NAV2: variants seen among roughly 807,000 people sequenced by gnomAD.
NAV2 encodes neuron navigator 2, also known as helicase, APC down-regulated 1.
NAV2 carries 54 observed loss-of-function variants against 223.2 expected under a neutral mutation model. The observed-to-expected ratio is 0.24, with a 90% CI of 0.19 to 0.30. The LOEUF (loss-of-function observed/expected upper bound fraction) is 0.30, where lower values mean the gene tolerates loss of function less well. NAV2 is among the 10% of genes least tolerant of loss of function. The pLI is 1.00. For synonymous variants in NAV2, 1,279 were observed against 1,239.3 expected (o/e 1.03, Z -0.67); for missense variants, 2,806 against 3,147.5 (o/e 0.89, Z 2.60).
In NAV2 at chr11:19,631,053, G is replaced by T. The variant is rs376991365; in HGVS notation, c.76-201431G>T. 4.7e-5 allele frequency among the ~76,000 whole-genome samples: 7 copies of T among 149,678 alleles called. 1 individual carries two copies. In the South Asian group the frequency reaches 8.5e-4, roughly 18 times the overall value. ...TTTTACTATATTTATTACAAAAATG[G>T]CCTGAATTGCCCCTTTCATTTTATC... is the stretch of plus-strand genomic sequence containing the variant. On this transcript the variant is annotated intron_variant, in intron 1 of 37. Coordinates refer to the NAV2 transcript ENST00000360655.
intron 1 of NAV2, among the ~76,000 whole-genome samples, chr11:19,364,262 C>T (rs1392341724): frequency 6.6e-6 from 1 of 152,188 alleles, no homozygotes; most frequent in East Asian, 1.9e-4. Flanking sequence ...CCAAGGGTTT[C>T]AGAAGCTGTG....
At chr11:19,731,017 A>C (rs956381709) in intron 1 of NAV2, among the ~76,000 whole-genome samples, 3 of 152,178 alleles carry the variant, frequency 2.0e-5, no homozygotes, top group African/African-American at 7.2e-5. Context: ...TAAACCAAAA[A>C]ATTATTTGCT....
intron 1 of NAV2, among the ~76,000 whole-genome samples, chr11:19,426,418 C>T (rs1850829740): frequency 6.6e-6 from 1 of 152,128 alleles, no homozygotes; most frequent in Admixed American, 6.6e-5. Flanking sequence ...TGAAGGACTC[C>T]ATGAAGAAAT....
chr11:19,931,157 C>T (rs555634105), intron 6 of NAV2, among the ~76,000 whole-genome samples: 72 of 152,272 alleles, frequency 4.7e-4, no homozygotes, highest in Non-Finnish European at 8.5e-4. Context: ...CACTGAGCCT[C>T]CTGACACCAA....
chr11:19,464,280 G>T (rs1334025961), intron 1 of NAV2, among the ~76,000 whole-genome samples: 1 of 152,168 alleles, frequency 6.6e-6, no homozygotes, highest in East Asian at 1.9e-4. Flanking sequence ...TGTTGCTATT[G>T]TGAGGGGCTG....
intron 1 of NAV2, among the ~76,000 whole-genome samples, chr11:19,521,140 G>A (rs1036780233): frequency 6.6e-6 from 1 of 152,188 alleles, no homozygotes; most frequent in Non-Finnish European, 1.5e-5. Flanking sequence ...GCTGAACCCT[G>A]CGTCTCCCCA....
chr11:19,705,740 G>A (rs1383743888), intron 1 of NAV2, among the ~76,000 whole-genome samples: 1 of 152,022 alleles, frequency 6.6e-6, no homozygotes, highest in Non-Finnish European at 1.5e-5. Context: ...CCAAGTATTT[G>A]GTAGCATAGC....
At chr11:19,503,892 C>T (rs534627953) in intron 1 of NAV2, 11 of 152,066 alleles carry the variant, frequency 7.2e-5, no homozygotes, top group Admixed American at 1.3e-4. Flanking sequence ...GCTACAGAAG[C>T]GGGGAAAATA....
intron 4 of NAV2, among the ~76,000 whole-genome samples, chr11:19,869,480 T>C (rs1290664046): frequency 6.6e-6 from 1 of 152,212 alleles, no homozygotes; most frequent in South Asian, 2.1e-4. Context: ...TATTTTTACA[T>C]TGTGATTAGT....
intron 6 of NAV2, among the ~76,000 whole-genome samples, chr11:19,918,345 T>C (rs978618560): frequency 1.3e-5 from 2 of 152,242 alleles, no homozygotes; most frequent in Admixed American, 1.3e-4. Context: ...GTCAGTTTGA[T>C]ATTATCTGAA....
intron 1 of NAV2, among the ~76,000 whole-genome samples, chr11:19,352,099 AC>A (rs1853361677): frequency 6.6e-6 from 1 of 152,146 alleles, no homozygotes; most frequent in African/African-American, 2.4e-5. Flanking sequence ...TCCATTCCTA[AC>A]AAAAAATTCA....
chr11:19,827,657 T>C (rs2059708476), intron 1 of NAV2, among the ~76,000 whole-genome samples: 1 of 152,222 alleles, frequency 6.6e-6, no homozygotes, highest in Non-Finnish European at 1.5e-5. Flanking sequence ...GACAGATGGA[T>C]GATAAGGCTG....
In NAV2 at chr11:20,105,521, C is replaced by T; in HGVS notation, c.6645-10C>T. On this transcript the variant is annotated splice_polypyrimidine_tract_variant and intron_variant, in intron 34 of 37. Transcript: ENST00000349880. ...TCATCAGCTTGAAAAGTGTTTCTGA[C>T]TTCCTCCAGATGGGTGCTTTGTGCC... The T allele has an allele frequency of 6.2e-7, 1 of 1,604,458 alleles. No homozygotes were observed. Among genetic ancestry groups the T allele is most frequent in the South Asian group, 1.1e-5 (1 of 90,074 alleles).
chr11:19,669,123 T>A (rs1004133634), intron 1 of NAV2, among the ~76,000 whole-genome samples: 1 of 152,194 alleles, frequency 6.6e-6, no homozygotes, highest in Non-Finnish European at 1.5e-5. Context: ...CAAAGTTTTA[T>A]TGAGCTATTC....
At chr11:20,074,326 A>G (rs1441981924) in intron 22 of NAV2, among the ~76,000 whole-genome samples, 1 of 152,104 alleles carries the variant, frequency 6.6e-6, no homozygotes, top group Non-Finnish European at 1.5e-5. Flanking sequence ...ATTCTTTTGC[A>G]TTTGCTGAGG....
intron 2 of NAV2, among the ~76,000 whole-genome samples, chr11:19,836,418 G>C (rs911273454): frequency 6.6e-6 from 1 of 151,916 alleles, no homozygotes; most frequent in African/African-American, 2.4e-5. Flanking sequence ...TTAGCCGGGC[G>C]CGGTGGCGGG....
chr11:19,564,566 T>G (rs570307689), intron 1 of NAV2, among the ~76,000 whole-genome samples: 1 of 152,152 alleles, frequency 6.6e-6, no homozygotes, highest in Non-Finnish European at 1.5e-5. Context: ...TTTTTCCATT[T>G]GGAGGAGCAA....
intron 10 of NAV2, among the ~76,000 whole-genome samples, chr11:19,975,441 C>T (rs1460207950): frequency 1.3e-5 from 2 of 152,106 alleles, no homozygotes; most frequent in Non-Finnish European, 2.9e-5. Context: ...TAAAATGCTC[C>T]TGGACTTTAT....
At chr11:19,522,340 G>T (rs1290393656) in intron 1 of NAV2, among the ~76,000 whole-genome samples, 3 of 152,220 alleles carry the variant, frequency 2.0e-5, no homozygotes, top group African/African-American at 7.2e-5. Flanking sequence ...CTTTTTGATA[G>T]AGAGAGGAGT....
Sources: gnomAD v4.1 joint callset for allele counts (sites outside exome capture counted in the v4.1 genomes callset) on GRCh38, gnomAD v4.1.1 for gene constraint, MANE v1.5 for transcripts, NCBI Gene and HGNC (gene_info 2026-07-23, HGNC 2026-07-21) for gene names.